Variants in ERICH3 observed in about 807,000 individuals in gnomAD.
ERICH3 encodes the protein glutamate-rich protein 3.
ERICH3 carries 126 observed loss-of-function variants against 131.1 expected under a neutral mutation model. That is an observed-to-expected ratio of 0.96 (90% CI 0.83 to 1.11). The LOEUF (loss-of-function observed/expected upper bound fraction) is 1.11. Ranked by LOEUF, ERICH3 falls within the 50% of genes most tolerant of loss-of-function variation. The pLI is 0.00. For synonymous variants in ERICH3, 695 were observed against 644.6 expected, an observed-to-expected ratio of 1.08 and a Z score of -1.18; for missense variants, 2,050 against 1,810.7, an observed-to-expected ratio of 1.13 and a Z score of -2.40.
intron 3 of ERICH3, among the ~76,000 whole-genome samples, chr1:74,643,561 C>G (rs555026612): frequency 3.5e-4 from 53 of 152,142 alleles, no homozygotes; most frequent in African/African-American, 1.2e-3. Context: ...AAAAAATGGA[C>G]AATGCACATA....
At chr1:74,634,435 T>C (rs1479817566) in intron 6 of ERICH3, among the ~76,000 whole-genome samples, 1 of 152,030 alleles carries the variant, frequency 6.6e-6, no homozygotes, top group Non-Finnish European at 1.5e-5. Flanking sequence ...CTTTCAATAA[T>C]ACATACCCCA....
chr1:74,579,910 C>T, intron 12 of ERICH3: 1 of 981,214 alleles, frequency 1.0e-6, no homozygotes, highest in Non-Finnish European at 1.2e-6. Context: ...CTTAGAAAGT[C>T]AGCTTTTTTT....
At chr1:74,647,382 A>T (rs970421202) in intron 2 of ERICH3, among the ~76,000 whole-genome samples, 1 of 152,008 alleles carries the variant, frequency 6.6e-6, no homozygotes, top group African/African-American at 2.4e-5. Flanking sequence ...ACTTGGTTTC[A>T]TTACTTTGTT....
intron 1 of ERICH3, among the ~76,000 whole-genome samples, chr1:74,672,718 T>C (rs906015923): frequency 6.6e-6 from 1 of 152,122 alleles, no homozygotes; most frequent in African/African-American, 2.4e-5. Context: ...AATCGTCTAA[T>C]ATGCATTACA....
At position 74,618,734 on chromosome 1, in the gene ERICH3, G is replaced by A. The variant is rs185135681; in HGVS notation, c.1000+2000C>T. Among the ~76,000 whole-genome samples, 32 of 152,214 alleles carry A rather than the reference G, an allele frequency of 2.1e-4. No individual in the cohort carries two copies. In the East Asian group the frequency reaches 5.0e-3, roughly 24 times the overall value. On this transcript the variant is annotated intron_variant, in intron 8 of 14. Transcript: ENST00000326665. ...ATTGCAAGACATCATGAATTACCTG[G>A]GAATAAAGGATGCACTTGCCACCTT...
Position 74,620,734 on chromosome 1 carries a change from CT to C in ERICH3, c.999del (p.Glu334ArgfsTer21), listed in dbSNP as rs35457942. ...AAAAACATTCACATTTTATGTGTAC[CT>C]TTTTCAAGTAGTTTGCCTTTGTAGA... ...LCVYKGKLLE[K>X]ETFQFISKRH... On this transcript the variant is annotated frameshift_variant and splice_region_variant, in exon 8 of 15. Transcript: ENST00000326665. LOFTEE classifies it high-confidence loss of function. 1 of 1,594,472 alleles carries C rather than the reference CT, an allele frequency of 6.3e-7. No individual in the cohort carries two copies. Among genetic ancestry groups the C allele is most frequent in the East Asian group, 2.3e-5 (1 of 44,206 alleles).
At chr1:74,634,568 A>G (rs996993088) in intron 6 of ERICH3, 2 of 663,016 alleles carry the variant, frequency 3.0e-6, no homozygotes, top group Non-Finnish European at 5.5e-6. Context: ...GCAGAGCTTA[A>G]ATAATACCTG....
In ERICH3 at chr1:74,606,772, G is replaced by T; in HGVS notation, c.1318C>A (p.Pro440Thr). ...TTCTCCTTGATCTCATTTCTTTTTG[G>T]TATCACATACTCTCTCTCTTTCCTC... The part of the protein sequence containing the change: ...KVRKEREYVI[P>T]KRNEIKENKT... Residue 440 changes from proline (P) to threonine (T), a missense_variant, in exon 10 of 15, where the codon CCA becomes ACA. By Grantham distance (38) the Pro-to-Thr change is conservative (BLOSUM62 -1). Transcript: ENST00000326665. 3.7e-6 allele frequency: 6 copies of T among 1,613,110 alleles called. No individual in the cohort carries two copies. Among genetic ancestry groups the T allele is most frequent in the Middle Eastern group, 1.7e-4 (1 of 6,060 alleles).
intron 12 of ERICH3, chr1:74,578,677 TTTCC>T (rs1445867872): frequency 7.0e-6 from 1 of 142,864 alleles, no homozygotes; most frequent in Non-Finnish European, 1.6e-5. Flanking sequence ...TTCCCTTCCT[TTTCC>T]TTCCTTCTTT....
At chr1:74,594,541 C>A (rs1442245355) in intron 11 of ERICH3, among the ~76,000 whole-genome samples, 2 of 152,064 alleles carry the variant, frequency 1.3e-5, no homozygotes, top group African/African-American at 4.8e-5. Flanking sequence ...ATGTGCCAGG[C>A]AATGTTCTAC....
At chr1:74,588,298 C>A (rs962934873) in intron 12 of ERICH3, among the ~76,000 whole-genome samples, 1 of 152,066 alleles carries the variant, frequency 6.6e-6, no homozygotes, top group Non-Finnish European at 1.5e-5. Context: ...CATTTTTTAC[C>A]TTCTCTATTT....
At chr1:74,629,245 C>T (rs78681038) in intron 7 of ERICH3, among the ~76,000 whole-genome samples, 1 of 151,538 alleles carries the variant, frequency 6.6e-6, no homozygotes, top group Admixed American at 6.6e-5. Flanking sequence ...AAAAAAAAAC[C>T]TCTCAGCAAG....
chr1:74,572,231 G>A lies in ERICH3; in HGVS notation c.3479C>T (p.Thr1160Met), dbSNP rs779229927. ...KETVVPIFEA[T>M]PGFEKSLENI... ...TTCCAGCGACTTTTCAAATCCAGGC[G>A]TTGCTTCAAATATGGGAACCACTGT... Residue 1160 changes from threonine (T) to methionine (M), a missense_variant, in exon 14 of 15, where the codon ACG becomes ATG. By Grantham distance (81) the Thr-to-Met change is moderately conservative. Transcript: ENST00000326665. 3 of 1,614,050 alleles carry A rather than the reference G, an allele frequency of 1.9e-6. No homozygotes were observed. Among genetic ancestry groups the A allele is most frequent in the Non-Finnish European group, 8.5e-7 (1 of 1,180,006 alleles).
At chr1:74,592,729 G>A (rs910668091) in intron 11 of ERICH3, among the ~76,000 whole-genome samples, 1 of 152,084 alleles carries the variant, frequency 6.6e-6, no homozygotes, top group African/African-American at 2.4e-5. Flanking sequence ...AAGTGGCCAG[G>A]GCACCTGACC....
intron 1 of ERICH3, among the ~76,000 whole-genome samples, chr1:74,657,427 A>G (rs544686454): frequency 6.6e-6 from 1 of 152,314 alleles, no homozygotes; most frequent in East Asian, 1.9e-4. Flanking sequence ...CTACAATTAC[A>G]CCAAGAGTCT....
At chr1:74,593,137 C>G (rs9326117) in intron 11 of ERICH3, among the ~76,000 whole-genome samples, 1 of 151,904 alleles carries the variant, frequency 6.6e-6, no homozygotes, top group East Asian at 1.9e-4. Context: ...GCACTCATTG[C>G]GTGAGGTCTT....
chr1:74,626,694 G>T (rs1649427839), intron 7 of ERICH3, among the ~76,000 whole-genome samples: 1 of 152,140 alleles, frequency 6.6e-6, no homozygotes, highest in African/African-American at 2.4e-5. Flanking sequence ...GGAGGTGAGT[G>T]AGTTAAACCT....
Position 74,573,154 on chromosome 1 carries a change from A to T in ERICH3, c.2556T>A (p.Gly852=). 3 of 1,612,230 alleles carry T rather than the reference A, an allele frequency of 1.9e-6. No individual in the cohort carries two copies. The East Asian group carries it at 6.7e-5, about 36-fold the overall frequency. The change falls in exon 14 of 15, where the codon GGT becomes GGA. Residue 852 remains glycine (G), a synonymous_variant. Coordinates refer to ENST00000326665, the MANE Select transcript of ERICH3 (RefSeq NM_001002912.5). ...AAEAEGVRRL[G]EGGSDPIGQA... ...GTCCTATGGGGTCTGACCCCCCTTC[A>T]CCCAGCCTTCTGACCCCTTCTGCTT... is the stretch of plus-strand genomic sequence containing the variant.
intron 9 of ERICH3, among the ~76,000 whole-genome samples, chr1:74,607,843 A>G (rs1368999787): frequency 6.6e-6 from 1 of 152,018 alleles, no homozygotes; most frequent in Non-Finnish European, 1.5e-5. Context: ...ATATACATTA[A>G]TAAAAATGAT....
Sources: allele counts gnomAD v4.1 joint callset (sites outside exome capture counted in the v4.1 genomes callset), GRCh38; gene constraint gnomAD v4.1.1; transcripts MANE v1.5; gene names NCBI Gene and HGNC (gene_info 2026-07-23, HGNC 2026-07-21).